The following PTPN13 variants were observed in gnomAD, a reference collection of about 807,000 sequenced individuals.
PTPN13 encodes the protein tyrosine-protein phosphatase non-receptor type 13.
A neutral mutation model predicts 284.0 loss-of-function variants in PTPN13; 191 were observed. That is an observed-to-expected ratio of 0.67 (90% CI 0.60 to 0.76). The LOEUF (loss-of-function observed/expected upper bound fraction) is 0.76, where lower values mean the gene tolerates loss of function less well. PTPN13 is among the 30% of genes least tolerant of loss of function. The probability of loss-of-function intolerance (pLI) is 0.00; values close to 1 mark genes in which losing one functional copy is unlikely to be tolerated. For synonymous variants in PTPN13, 986 were observed against 1,022.3 expected, an observed-to-expected ratio of 0.96 and a Z score of 0.68; for missense variants, 2,797 against 2,939.9, an observed-to-expected ratio of 0.95 and a Z score of 1.12.
chr4:86,680,414 T>C (rs1728775938), intron 3 of PTPN13, among the ~76,000 whole-genome samples: 1 of 152,052 alleles, frequency 6.6e-6, no homozygotes, highest in Admixed American at 6.6e-5. Flanking sequence ...TATCTCTATC[T>C]CTGTCTCCAT....
intron 17 of PTPN13, among the ~76,000 whole-genome samples, chr4:86,748,243 T>C (rs564157475): frequency 6.6e-6 from 1 of 152,320 alleles, no homozygotes; most frequent in African/African-American, 2.4e-5. Context: ...GAAGTATGGA[T>C]TGCAGACAGT....
intron 2 of PTPN13, among the ~76,000 whole-genome samples, chr4:86,649,000 C>T (rs1413821677): frequency 2.6e-5 from 4 of 152,014 alleles, no homozygotes; most frequent in Non-Finnish European, 4.4e-5. Flanking sequence ...TTTTTATATA[C>T]TTCTTGGCCA....
intron 3 of PTPN13, among the ~76,000 whole-genome samples, chr4:86,683,151 G>A (rs775273190): frequency 2.9e-4 from 37 of 125,490 alleles, no homozygotes; most frequent in Admixed American, 2.0e-3. Flanking sequence ...GGGTGTGTGC[G>A]TGTGTGTGTG....
chr4:86,607,331 A>G (rs1344787028), intron 1 of PTPN13, among the ~76,000 whole-genome samples: 1 of 151,966 alleles, frequency 6.6e-6, no homozygotes, highest in African/African-American at 2.4e-5. Context: ...CACCATTAAT[A>G]TATACGTGTA....
intron 10 of PTPN13, among the ~76,000 whole-genome samples, chr4:86,724,919 C>A (rs952554200): frequency 6.6e-6 from 1 of 151,980 alleles, no homozygotes; most frequent in African/African-American, 2.4e-5. Flanking sequence ...CTGCACCCAT[C>A]AACTCATCAT....
intron 12 of PTPN13, among the ~76,000 whole-genome samples, 159 bp from the exon 13 acceptor site, chr4:86,734,144 T>C (rs1157836707): frequency 6.6e-6 from 1 of 152,200 alleles, no homozygotes; most frequent in Non-Finnish European, 1.5e-5. Flanking sequence ...CCCATCTAAA[T>C]GGAGTGTCTC....
In PTPN13 at chr4:86,702,605, T is replaced by G. The variant is rs544644346; in HGVS notation, c.1195+804T>G. Among the ~76,000 whole-genome samples, 5 of 152,312 alleles carry G rather than the reference T, an allele frequency of 3.3e-5. No homozygotes were observed. The East Asian group carries it at 7.7e-4, about 23-fold the overall frequency. On this transcript the variant is annotated intron_variant, in intron 7 of 47. Transcript: ENST00000411767. The stretch of plus-strand genomic sequence containing the variant: ...TAGAGAAAAACTGTTTCAAAAATAC[T>G]TGATTTCACACACAAAACTCAATAT...
intron 3 of PTPN13, among the ~76,000 whole-genome samples, chr4:86,685,396 G>A (rs1406898277): frequency 1.3e-5 from 2 of 152,154 alleles, no homozygotes; most frequent in South Asian, 2.1e-4. Flanking sequence ...ATCTCTTGAG[G>A]TCAGGAGTTC....
intron 10 of PTPN13, among the ~76,000 whole-genome samples, chr4:86,730,086 A>C (rs1420469692): frequency 1.3e-5 from 2 of 149,672 alleles, no homozygotes; most frequent in Non-Finnish European, 3.0e-5. Flanking sequence ...CAGATCCCTC[A>C]GCTGCAGGTC....
chr4:86,598,045 T>C (rs1278625018), intron 1 of PTPN13, among the ~76,000 whole-genome samples: 2 of 152,138 alleles, frequency 1.3e-5, no homozygotes, highest in Non-Finnish European at 2.9e-5. Context: ...GTATAAAAAG[T>C]GTGGAGGACT....
chr4:86,628,503 A>AT (rs70948795), intron 1 of PTPN13, among the ~76,000 whole-genome samples: 82,052 of 136,608 alleles, frequency 0.6, 23,944 homozygotes, highest in African/African-American at 0.7. Context: ...TTTTTTTTTA[A>AT]TTTTTTTTTT....
chr4:86,693,507 G>A (rs776534392), intron 5 of PTPN13, 80 bp from the exon 6 acceptor site: 3 of 806,622 alleles, frequency 3.7e-6, no homozygotes, highest in East Asian at 2.8e-5. Flanking sequence ...TGTGTAACTA[G>A]TGTCATTCTG....
intron 1 of PTPN13, among the ~76,000 whole-genome samples, chr4:86,615,822 T>C (rs768020215): frequency 6.6e-6 from 1 of 152,156 alleles, no homozygotes; most frequent in Non-Finnish European, 1.5e-5. Flanking sequence ...GCAAATGTTT[T>C]AACATTAAAA....
chr4:86,803,392 AC>A (rs1744269434), intron 42 of PTPN13, among the ~76,000 whole-genome samples: 1 of 151,908 alleles, frequency 6.6e-6, no homozygotes, highest in Non-Finnish European at 1.5e-5. Context: ...GGAGTTCAAG[AC>A]CAGCCTGGGC....
intron 2 of PTPN13, among the ~76,000 whole-genome samples, chr4:86,645,419 G>GA (rs1410549550): frequency 6.6e-6 from 1 of 152,020 alleles, no homozygotes. Context: ...ATCCAGATTA[G>GA]AAAAAAGCAG....
chr4:86,746,247 G>A (rs920026119), intron 17 of PTPN13, among the ~76,000 whole-genome samples: 2 of 152,148 alleles, frequency 1.3e-5, no homozygotes, highest in Admixed American at 6.5e-5. Flanking sequence ...AACTGATTTG[G>A]TGATTTCTGC....
intron 7 of PTPN13, 86 bp downstream of exon 7, chr4:86,701,887 C>T: frequency 1.5e-6 from 2 of 1,320,824 alleles, no homozygotes; most frequent in Non-Finnish European, 2.0e-6. Context: ...AATTATTCCA[C>T]AAGTCTTATT....
At chr4:86,719,303 A>G (rs1008719037) in intron 9 of PTPN13, among the ~76,000 whole-genome samples, 2 of 152,184 alleles carry the variant, frequency 1.3e-5, no homozygotes, top group African/African-American at 2.4e-5. Flanking sequence ...CACAAAAGAC[A>G]TGATCTCATT....
chr4:86,645,014 G>C (rs1724249268), intron 2 of PTPN13, among the ~76,000 whole-genome samples: 1 of 152,060 alleles, frequency 6.6e-6, no homozygotes, highest in Non-Finnish European at 1.5e-5. Flanking sequence ...TTCGTGACCA[G>C]CCTGCGAAAC....
Sources: gnomAD v4.1 joint callset for allele counts (sites outside exome capture counted in the v4.1 genomes callset) on GRCh38, gnomAD v4.1.1 for gene constraint, MANE v1.5 for transcripts, NCBI Gene and HGNC (gene_info 2026-07-23, HGNC 2026-07-21) for gene names.